The following KRT23 variants were observed in gnomAD, a reference collection of about 807,000 sequenced individuals.
KRT23 encodes keratin, type I cytoskeletal 23.
Under a neutral mutation model 47.6 loss-of-function variants are expected in KRT23, and 38 were observed. The observed-to-expected ratio is 0.80, with a 90% CI of 0.62 to 1.05. KRT23 has a LOEUF of 1.05. Among genes scored for constraint, KRT23 ranks in the 50% least tolerant of loss-of-function variants. The probability of loss-of-function intolerance (pLI) is 0.00; values close to 1 mark genes in which losing one functional copy is unlikely to be tolerated. For missense variants in KRT23, 503 were observed against 529.5 expected, an observed-to-expected ratio of 0.95 and a Z score of 0.49; for synonymous variants, 191 against 199.0, an observed-to-expected ratio of 0.96 and a Z score of 0.34.
intron 2 of KRT23, among the ~76,000 whole-genome samples, chr17:40,934,686 C>T (rs1448139921): frequency 6.6e-6 from 1 of 152,226 alleles, no homozygotes; most frequent in Non-Finnish European, 1.5e-5. Context: ...TATGAGGCTA[C>T]TGGAAACAGA....
intron 2 of KRT23, among the ~76,000 whole-genome samples, chr17:40,932,295 G>A (rs1047833982): frequency 6.6e-6 from 1 of 152,014 alleles, no homozygotes; most frequent in Non-Finnish European, 1.5e-5. Flanking sequence ...ACTTTGAAAA[G>A]AAAAATAGTA....
In KRT23 at chr17:40,926,480, T is replaced by C. The variant is rs375789432; in HGVS notation, c.922-906A>G. On this transcript the variant is annotated intron_variant, in intron 6 of 8. Transcript: ENST00000209718. ...TCGCTTCCTAATTTTGTTGATGAAA[T>C]GAAAGCAATCGGGAGAGACCGCCCA... 3.0e-4 allele frequency among the ~76,000 whole-genome samples: 45 copies of C among 152,308 alleles called. No homozygotes were observed. In the East Asian group the frequency reaches 6.0e-3, roughly 20 times the overall value.
At chr17:40,930,757 C>A (rs945608901) in intron 3 of KRT23, among the ~76,000 whole-genome samples, 1 of 141,620 alleles carries the variant, frequency 7.1e-6, no homozygotes, top group Non-Finnish European at 1.5e-5. Context: ...AGCAAGACTC[C>A]GTCTCAAAAA....
intron 2 of KRT23, 106 bp downstream of exon 2, chr17:40,936,102 G>T: frequency 8.2e-7 from 1 of 1,213,506 alleles, no homozygotes. Flanking sequence ...TACTTCAAGC[G>T]CTGATGCCAT....
At position 40,922,932 on chromosome 17, in the gene KRT23, CA is replaced by C; in HGVS notation, c.*56del. 2.4e-6 allele frequency: 3 copies of C among 1,255,256 alleles called. No individual in the cohort carries two copies. The South Asian group carries it at 3.6e-5, about 15-fold the overall frequency. 77.8% of individuals were successfully genotyped at this position (1,255,256 alleles called of 1,614,324 possible). ...TAGAACTCACTCACTGGTGTCTGTG[CA>C]AGGACTTTCCTTGGGGGAAAATAGA... On this transcript the variant is annotated 3_prime_UTR_variant, in exon 9 of 9. Coordinates refer to ENST00000209718, the MANE Select transcript of KRT23 (RefSeq NM_015515.5).
rs193014029 is a variant in KRT23 at position 40,930,049 on chromosome 17, T to C, written c.527A>G (p.Glu176Gly). The C allele has an allele frequency of 5.6e-6, 9 of 1,614,164 alleles. No individual in the cohort carries two copies. In the East Asian group the frequency reaches 1.6e-4, roughly 28 times the overall value. Reference sequence around the variant, plus strand: ...GTTGTCTAAGGTCCTTCGGAGGCCCTCGACTTCAATTTCCAAGTCTTTCTT... The same window carrying C: ...GTTGTCTAAGGTCCTTCGGAGGCCCCCGACTTCAATTTCCAAGTCTTTCTT... ...SFKKDLEIEVEGLRRTLDNLT... is the reference protein window; with the variant it reads ...SFKKDLEIEVGGLRRTLDNLT... The change falls in exon 4 of 9, where the codon GAG (glutamate) becomes GGG (glycine). Residue 176 changes from glutamate (E) to glycine (G), a missense_variant. By Grantham distance (98) the Glu-to-Gly change is moderately conservative. Coordinates refer to ENST00000209718, the MANE Select transcript of KRT23 (RefSeq NM_015515.5).
chr17:40,933,085 A>C (rs1909807567), intron 2 of KRT23, among the ~76,000 whole-genome samples: 1 of 152,266 alleles, frequency 6.6e-6, no homozygotes, highest in Non-Finnish European at 1.5e-5. Context: ...GAATTTGTTC[A>C]GAAAAAAGTA....
chr17:40,936,403 T>C lies in KRT23; in HGVS notation c.201A>G (p.Leu67=), dbSNP rs1231666152. ...TGGTGGCCTTCCCATTTCCGCCTAG[T>C]AGGGGGCTGCTTCTTCCAGAACCCC... The part of the protein sequence containing the change: ...GSWGSGRSSP[L]LGGNGKATMQ... The change falls in exon 2 of 9, where the codon CTA becomes CTG. Residue 67 remains leucine, a synonymous_variant. Transcript: ENST00000209718. 1 of 1,614,044 alleles carries C rather than the reference T, an allele frequency of 6.2e-7. No homozygotes were observed. The highest frequency in any genetic ancestry group is 8.5e-7 in the Non-Finnish European group (1 of 1,179,946).
chr17:40,933,670 T>C (rs1909851484), intron 2 of KRT23, among the ~76,000 whole-genome samples: 1 of 152,250 alleles, frequency 6.6e-6, no homozygotes, highest in African/African-American at 2.4e-5. Flanking sequence ...ATGTGAATTC[T>C]GAAATGTGCT....
At chr17:40,926,355 T>C (rs187569214) in intron 6 of KRT23, among the ~76,000 whole-genome samples, 1 of 152,308 alleles carries the variant, frequency 6.6e-6, no homozygotes, top group Admixed American at 6.5e-5. Context: ...TGCCTGGCGG[T>C]TAAAGCACAT....
In KRT23 at chr17:40,922,885, T is replaced by C; in HGVS notation, c.*104A>G. 2 of 775,830 alleles carry C rather than the reference T, an allele frequency of 2.6e-6. No homozygotes were observed. The highest frequency in any genetic ancestry group is 4.4e-6 in the Non-Finnish European group (2 of 458,802). 48.1% of individuals were successfully genotyped at this position (775,830 alleles called of 1,614,324 possible). A position where few individuals can be genotyped will look rare whatever the true frequency, so the allele number is the denominator to read the frequency against. On this transcript the variant is annotated 3_prime_UTR_variant, in exon 9 of 9. Coordinates refer to ENST00000209718, the MANE Select transcript of KRT23 (RefSeq NM_015515.5). ...AAAAAAAAATAAAAGTTTCTGAGTC[T>C]GATAATTCCAAGGGTATCTTTTAGA...
At chr17:40,927,369 TGA>T (rs1393671390) in intron 6 of KRT23, among the ~76,000 whole-genome samples, 1 of 152,202 alleles carries the variant, frequency 6.6e-6, no homozygotes, top group Non-Finnish European at 1.5e-5. Context: ...TAAAACGTTT[TGA>T]AAGTTGCACT....
rs1190886338 is a variant in KRT23 at position 40,931,393 on chromosome 17, T to C, written c.459A>G (p.Ala153=). The change falls in exon 3 of 9, where the codon GCA becomes GCG. Residue 153 remains alanine (A), a synonymous_variant. Transcript: ENST00000209718. ...IILLIDNARM[A]VDDFNLKYEN... ...CTTACTTGAGGTTGAAGTCATCCAC[T>C]GCCATCCTGGCATTGTCAATGAGAA... The C allele has an allele frequency of 1.9e-6, 3 of 1,612,840 alleles. No homozygotes were observed. The African/African-American group carries it at 4.0e-5, about 22-fold the overall frequency.
intron 2 of KRT23, among the ~76,000 whole-genome samples, chr17:40,933,029 A>T (rs1909804452): frequency 6.6e-6 from 1 of 152,268 alleles, no homozygotes; most frequent in Non-Finnish European, 1.5e-5. Context: ...AATGTCAAAT[A>T]GCATATTATC....
rs531204950 is a variant in KRT23, at chr17:40,934,364, A to G, written c.396+1844T>C. ...AAATTCAAAGCCAAAGAAGTTTCCT[A>G]TTCAATCTCAGAACCCAGAATTCCA... On this transcript the variant is annotated intron_variant, in intron 2 of 8. Coordinates refer to ENST00000209718, the MANE Select transcript of KRT23 (RefSeq NM_015515.5). Among the ~76,000 whole-genome samples, 8 of 152,328 alleles carry G rather than the reference A, an allele frequency of 5.3e-5. No individual in the cohort carries two copies. In the South Asian group the frequency reaches 1.2e-3, roughly 24 times the overall value.
chr17:40,933,181 G>T (rs903315516), intron 2 of KRT23, among the ~76,000 whole-genome samples: 7 of 152,202 alleles, frequency 4.6e-5, no homozygotes, highest in African/African-American at 1.7e-4. Context: ...TATATGCTGA[G>T]ATGCCTGCTC....
intron 3 of KRT23, 127 bp from the exon 4 acceptor site, chr17:40,930,223 G>A: frequency 1.3e-6 from 1 of 784,508 alleles, no homozygotes; most frequent in Non-Finnish European, 2.0e-6. Flanking sequence ...AATACATATA[G>A]GATGTCTTTT....
chr17:40,935,744 A>C (rs1045123269), intron 2 of KRT23, among the ~76,000 whole-genome samples: 1 of 152,214 alleles, frequency 6.6e-6, no homozygotes, highest in Admixed American at 6.5e-5. Context: ...CACATTGTTC[A>C]AAAAAGTTTG....
At chr17:40,928,089 T>A in intron 6 of KRT23, 149 bp downstream of exon 6, 1 of 971,194 alleles carries the variant, frequency 1.0e-6, no homozygotes, top group East Asian at 2.4e-5. Flanking sequence ...TAGCCCTTTA[T>A]TATGGTTCTC....
Sources: gnomAD v4.1 joint callset for allele counts (sites outside exome capture counted in the v4.1 genomes callset) on GRCh38, gnomAD v4.1.1 for gene constraint, MANE v1.5 for transcripts, NCBI Gene and HGNC (gene_info 2026-07-23, HGNC 2026-07-21) for gene names.